The following IL1RAP variants were observed in gnomAD, a reference collection of about 807,000 sequenced individuals.
The protein encoded by IL1RAP is interleukin 1 receptor accessory protein.
A neutral mutation model predicts 60.7 loss-of-function variants in IL1RAP; 35 were observed. The ratio of observed to expected loss-of-function variants is 0.58; its 90% CI spans 0.44 to 0.76. IL1RAP has a LOEUF of 0.76. Among genes scored for constraint, IL1RAP ranks in the 30% least tolerant of loss-of-function variants. The probability of loss-of-function intolerance (pLI) is 0.00; values close to 1 mark genes in which losing one functional copy is unlikely to be tolerated. For synonymous variants in IL1RAP, 268 were observed against 250.9 expected (o/e 1.07, Z -0.64); for missense variants, 572 against 693.9 (o/e 0.82, Z 1.97).
At chr3:190,555,946 A>ATCTATCTATCTG (rs1266232785) in intron 1 of IL1RAP, 184 bp from the exon 2 acceptor site, 2 of 151,732 alleles carry the variant, frequency 1.3e-5, no homozygotes, top group Non-Finnish European at 2.9e-5. Context: ...CTATCTATCT[A>ATCTATCTATCTG]TCTATCTATC....
chr3:190,566,766 G>A (rs78888631), intron 3 of IL1RAP, among the ~76,000 whole-genome samples: 11,972 of 152,188 alleles, frequency 0.079, 546 homozygotes, highest in African/African-American at 0.11. Flanking sequence ...TGACAAAAAC[G>A]AAAAGAGCAA....
At chr3:190,522,202 G>A (rs73196402) in intron 1 of IL1RAP, among the ~76,000 whole-genome samples, 3,837 of 152,128 alleles carry the variant, frequency 0.025, 60 homozygotes, top group Non-Finnish European at 0.037. Flanking sequence ...ATCAGGCTGG[G>A]TTTGAATTCT....
downstream of IL1RAP, among the ~76,000 whole-genome samples, chr3:190,655,226 C>T (rs1734575378): frequency 6.6e-6 from 1 of 152,022 alleles, no homozygotes; most frequent in Non-Finnish European, 1.5e-5. Context: ...TATGTTCACT[C>T]CTGTTCATAA....
intron 8 of IL1RAP, among the ~76,000 whole-genome samples, chr3:190,627,768 A>G (rs372408571): frequency 6.6e-6 from 1 of 152,200 alleles, no homozygotes; most frequent in Non-Finnish European, 1.5e-5. Flanking sequence ...TGATACCCAC[A>G]TGGAAGTAGA....
intron 5 of IL1RAP, among the ~76,000 whole-genome samples, chr3:190,613,249 A>G (rs1365760686): frequency 6.6e-6 from 1 of 152,214 alleles, no homozygotes; most frequent in Non-Finnish European, 1.5e-5. Flanking sequence ...GCTATTAACC[A>G]AGGTATGAAG....
At chr3:190,547,493 A>G (rs1005050506) in intron 1 of IL1RAP, among the ~76,000 whole-genome samples, 1 of 152,198 alleles carries the variant, frequency 6.6e-6, no homozygotes, top group Non-Finnish European at 1.5e-5. Context: ...TTAACACTTT[A>G]GATACAGAAA....
intron 7 of IL1RAP, 110 bp downstream of exon 7, chr3:190,623,525 G>T (rs1731960412): frequency 2.4e-6 from 2 of 818,906 alleles, no homozygotes; most frequent in East Asian, 5.1e-5. Context: ...AGAAACACAT[G>T]AATTGAAACT....
intron 1 of IL1RAP, among the ~76,000 whole-genome samples, chr3:190,522,482 T>A (rs1328639765): frequency 1.3e-5 from 2 of 151,864 alleles, no homozygotes; most frequent in African/African-American, 4.8e-5. Flanking sequence ...TTAATAAGGT[T>A]CAAGTAAGAA....
At chr3:190,532,991 AG>A (rs754055103) in intron 1 of IL1RAP, among the ~76,000 whole-genome samples, 6 of 151,860 alleles carry the variant, frequency 4.0e-5, no homozygotes, top group Non-Finnish European at 7.4e-5. Context: ...TCTCACTTTG[AG>A]GGTTGGAGAG....
At chr3:190,553,636 G>A (rs1439407400) in intron 1 of IL1RAP, among the ~76,000 whole-genome samples, 2 of 152,090 alleles carry the variant, frequency 1.3e-5, no homozygotes, top group Non-Finnish European at 2.9e-5. Flanking sequence ...CCGTCCATCC[G>A]GAAAAAAGAA....
At chr3:190,610,109 A>G (rs1332219434) in intron 5 of IL1RAP, among the ~76,000 whole-genome samples, 1 of 152,176 alleles carries the variant, frequency 6.6e-6, no homozygotes, top group Admixed American at 6.6e-5. Context: ...AGCTACTGTG[A>G]GTAGAATCAA....
chr3:190,655,455 C>T (rs369615946), downstream of IL1RAP, among the ~76,000 whole-genome samples: 22 of 151,842 alleles, frequency 1.4e-4, no homozygotes, highest in Admixed American at 4.6e-4. Flanking sequence ...ATAACATTTG[C>T]GAGGAAGAAG....
At position 190,599,701 on chromosome 3, in the gene IL1RAP, GTT is replaced by G. The variant is rs1191544633; in HGVS notation, c.65-4413_65-4412del. Among the ~76,000 whole-genome samples, 29 of 135,020 alleles carry G rather than the reference GTT, an allele frequency of 2.1e-4. No individual in the cohort carries two copies. In the East Asian group the frequency reaches 4.8e-3, roughly 22 times the overall value. 88.6% of individuals were successfully genotyped at this position (135,020 alleles called of 152,430 possible). On this transcript the variant is annotated intron_variant, in intron 3 of 11. Coordinates refer to ENST00000447382, the MANE Select transcript of IL1RAP (RefSeq NM_002182.4). Reference sequence around the variant, plus strand: ...ATTGAGAACTTTCTTGGTATTTTGGGTTTTTTTTTTTTTTTGAAAGGTGTGGT... The same window carrying G: ...ATTGAGAACTTTCTTGGTATTTTGGGTTTTTTTTTTTTTGAAAGGTGTGGT...
At chr3:190,571,683 G>A (rs528389190) in intron 3 of IL1RAP, among the ~76,000 whole-genome samples, 7 of 152,212 alleles carry the variant, frequency 4.6e-5, no homozygotes, top group African/African-American at 1.7e-4. Context: ...ACCTAACATA[G>A]TTACCATTTT....
At chr3:190,594,979 A>T (rs1452027832) in intron 3 of IL1RAP, among the ~76,000 whole-genome samples, 2 of 151,610 alleles carry the variant, frequency 1.3e-5, no homozygotes, top group Non-Finnish European at 2.9e-5. Context: ...TACCCTTACT[A>T]CTCTCTTTAT....
In IL1RAP at chr3:190,590,994, T is replaced by G. The variant is rs1728893072; in HGVS notation, c.65-13134T>G. ...CTTTCTGGGTATAGTTTGTAAAATC[T>G]TCTCATTTGCAGAATGAGAAGAATT... On this transcript the variant is annotated intron_variant, in intron 3 of 11. Coordinates refer to ENST00000447382, the MANE Select transcript of IL1RAP (RefSeq NM_002182.4). Among the ~76,000 whole-genome samples the G allele has an allele frequency of 2.0e-5, 3 of 152,240 alleles. No individual in the cohort carries two copies. The South Asian group carries it at 6.2e-4, about 31-fold the overall frequency.
chr3:190,553,624 G>T lies in IL1RAP; in HGVS notation c.-88-2506G>T, dbSNP rs2108596240. Among the ~76,000 whole-genome samples the T allele has an allele frequency of 1.3e-5, 2 of 152,184 alleles. 1 individual carries two copies. Among genetic ancestry groups the T allele is most frequent in the East Asian group, 3.9e-4 (2 of 5,142 alleles). ...GACGGGGAACGGGGAGCTGCCGTTT[G>T]CCCGTCCATCCGGAAAAAAGAAGGA... is the stretch of plus-strand genomic sequence containing the variant. On this transcript the variant is annotated intron_variant, in intron 1 of 11. Coordinates refer to ENST00000447382, the MANE Select transcript of IL1RAP (RefSeq NM_002182.4).
chr3:190,588,054 C>A (rs1179043344), intron 3 of IL1RAP, among the ~76,000 whole-genome samples: 1 of 152,198 alleles, frequency 6.6e-6, no homozygotes, highest in Non-Finnish European at 1.5e-5. Flanking sequence ...CTAAGTGATG[C>A]ATTTGAAACA....
intron 2 of IL1RAP, among the ~76,000 whole-genome samples, chr3:190,562,006 C>A (rs764527196): frequency 1.5e-4 from 23 of 152,168 alleles, no homozygotes; most frequent in African/African-American, 2.2e-4. Flanking sequence ...AAATCCCAAG[C>A]CTTTGGCCTG....
Sources: allele counts gnomAD v4.1 joint callset (sites outside exome capture counted in the v4.1 genomes callset), GRCh38; gene constraint gnomAD v4.1.1; transcripts MANE v1.5; gene names NCBI Gene and HGNC (gene_info 2026-07-23, HGNC 2026-07-21).